TEX14: variants seen among roughly 807,000 people sequenced by gnomAD.
The protein encoded by TEX14 is testis expressed 14, intercellular bridge forming factor, also known as inactive serine/threonine-protein kinase TEX14.
A neutral mutation model predicts 178.6 loss-of-function variants in TEX14; 168 were observed. The observed-to-expected ratio is 0.94, with a 90% CI of 0.83 to 1.07. The LOEUF is 1.07. Among genes scored for constraint, TEX14 ranks in the 50% least tolerant of loss-of-function variants. The pLI is 0.00. For missense variants in TEX14, 1,730 were observed against 1,753.6 expected, an observed-to-expected ratio of 0.99 and a Z score of 0.24; for synonymous variants, 626 against 634.1, an observed-to-expected ratio of 0.99 and a Z score of 0.19.
At chr17:58,591,250 G>C (rs1286090659) in intron 15 of TEX14, among the ~76,000 whole-genome samples, 1 of 152,182 alleles carries the variant, frequency 6.6e-6, no homozygotes, top group Non-Finnish European at 1.5e-5. Context: ...GGGCGCGGTG[G>C]CTCACGCCTG....
At chr17:58,683,265 C>A (rs2047531542) in intron 1 of TEX14, among the ~76,000 whole-genome samples, 1 of 151,204 alleles carries the variant, frequency 6.6e-6, no homozygotes, top group Non-Finnish European at 1.5e-5. Context: ...CCCAGCTACT[C>A]CGGAGGCTGA....
chr17:58,657,590 C>A (rs931149624), intron 1 of TEX14, among the ~76,000 whole-genome samples: 1 of 136,024 alleles, frequency 7.4e-6, no homozygotes, highest in African/African-American at 2.8e-5. Flanking sequence ...TCTCGGCTCA[C>A]TGCAGCCTCT....
Position 58,591,269 on chromosome 17 carries a change from A to G in TEX14, c.2576+2286T>C, listed in dbSNP as rs577646087. Reference sequence around the variant, plus strand: ...GCGGTGGCTCACGCCTGTAATCCCAACACTTTGGGAGGCCAAGGTGGGTGG... The same window carrying G: ...GCGGTGGCTCACGCCTGTAATCCCAGCACTTTGGGAGGCCAAGGTGGGTGG... On this transcript the variant is annotated intron_variant, in intron 15 of 31. Coordinates refer to ENST00000349033, the MANE Select transcript of TEX14 (RefSeq NM_031272.5). Among the ~76,000 whole-genome samples the G allele has an allele frequency of 8.5e-5, 13 of 152,222 alleles. No homozygotes were observed. In the South Asian group the frequency reaches 2.5e-3, roughly 29 times the overall value.
intron 1 of TEX14, chr17:58,679,509 T>C (rs931611825): frequency 1.3e-5 from 2 of 152,134 alleles, no homozygotes; most frequent in Non-Finnish European, 2.9e-5. Flanking sequence ...CGTACGCCTT[T>C]TATAAACAAG....
At chr17:58,567,840 C>T (rs1259307279) in intron 26 of TEX14, 1 of 152,168 alleles carries the variant, frequency 6.6e-6, no homozygotes, top group African/African-American at 2.4e-5. Context: ...CACCATAAGG[C>T]CAGAGCCCAG....
chr17:58,595,016 T>A (rs1424626671), intron 14 of TEX14, among the ~76,000 whole-genome samples: 1 of 152,172 alleles, frequency 6.6e-6, no homozygotes, highest in African/African-American at 2.4e-5. Context: ...GAGGCCTTTG[T>A]ATGGGCAAAC....
At position 58,585,860 on chromosome 17, in the gene TEX14, C is replaced by T. The variant is rs2044953633; in HGVS notation, c.3011G>A (p.Gly1004Asp). The T allele has an allele frequency of 1.2e-6, 2 of 1,614,060 alleles. No individual in the cohort carries two copies. The highest frequency in any genetic ancestry group is 8.5e-7 in the Non-Finnish European group (1 of 1,180,010). The stretch of plus-strand genomic sequence containing the variant: ...CTGGTCACTGTCACAGTCATTGTTG[C>T]CCGTCTTGTCAAACTTGCCATTTCC... ...PRGNGKFDKT[G>D]NNDCDSDQHG... Residue 1004 changes from glycine to aspartate, a missense_variant, in exon 18 of 32, where the codon GGC becomes GAC. By Grantham distance (94) the Gly-to-Asp change is moderately conservative (BLOSUM62 -1). Transcript: ENST00000349033.
rs141801212 is a variant in TEX14 at position 58,613,423 on chromosome 17, G to T, written c.1003C>A (p.Arg335=). The T allele has an allele frequency of 1.1e-5, 17 of 1,613,902 alleles. No homozygotes were observed. Among genetic ancestry groups the T allele is most frequent in the Middle Eastern group, 1.6e-4 (1 of 6,084 alleles). The change falls in exon 9 of 32, where the codon CGA becomes AGA. Residue 335 remains arginine, a splice_region_variant and synonymous_variant. Coordinates refer to ENST00000349033, the MANE Select transcript of TEX14 (RefSeq NM_031272.5). ...IGTLFSVLHE[R]RSQFPVLHME... is the part of the protein sequence containing the mutation. The stretch of plus-strand genomic sequence containing the variant: ...AATCCACGGAAACAGCAGTTTACTC[G>T]TTCATGAAGGACACTGAACAATGTG...
rs576871600 is a variant in TEX14 at position 58,676,452 on chromosome 17, C to T, written c.-2+15487G>A. Among the ~76,000 whole-genome samples the T allele has an allele frequency of 3.0e-3, 460 of 151,898 alleles. 2 individuals are homozygous for T. The highest frequency in any genetic ancestry group is 0.017 in the Middle Eastern group (5 of 292). On this transcript the variant is annotated intron_variant, in intron 1 of 31. Coordinates refer to ENST00000349033, the MANE Select transcript of TEX14 (RefSeq NM_031272.5). ...GCAGGCGTCTGTAATCTCAGCTACT[C>T]GGGAGGCTGAGGCAAGAGAATCACT...
At chr17:58,673,914 A>G (rs1236146744) in intron 1 of TEX14, among the ~76,000 whole-genome samples, 3 of 152,146 alleles carry the variant, frequency 2.0e-5, no homozygotes, top group Non-Finnish European at 4.4e-5. Flanking sequence ...TGGGGTAACT[A>G]TATGTAGTTT....
At chr17:58,587,296 T>C (rs2045001163) in intron 17 of TEX14, among the ~76,000 whole-genome samples, 2 of 152,310 alleles carry the variant, frequency 1.3e-5, no homozygotes, top group South Asian at 2.1e-4. Context: ...TGAGGACTTA[T>C]TGTATTGTGC....
chr17:58,619,461 C>T (rs1171466641), intron 5 of TEX14, among the ~76,000 whole-genome samples: 3 of 152,172 alleles, frequency 2.0e-5, no homozygotes, highest in African/African-American at 7.2e-5. Flanking sequence ...CGGCACCACT[C>T]ACAAATCTTA....
At chr17:58,574,519 T>A (rs1448432641) in intron 21 of TEX14, among the ~76,000 whole-genome samples, 1 of 151,602 alleles carries the variant, frequency 6.6e-6, no homozygotes, top group East Asian at 1.9e-4. Context: ...CTACTAAAAA[T>A]ACAAAAATTA....
intron 1 of TEX14, among the ~76,000 whole-genome samples, chr17:58,660,089 G>A (rs993331781): frequency 2.6e-5 from 4 of 151,060 alleles, no homozygotes; most frequent in South Asian, 4.2e-4. Context: ...CATCATCTAG[G>A]GTACAAATAC....
At chr17:58,661,515 C>G (rs780486847) in intron 1 of TEX14, 4 of 780,034 alleles carry the variant, frequency 5.1e-6, no homozygotes, top group Admixed American at 1.7e-5. Flanking sequence ...GTCGCTCCTT[C>G]GACTTCGTCC....
intron 1 of TEX14, among the ~76,000 whole-genome samples, chr17:58,686,514 C>T (rs998402206): frequency 6.6e-6 from 1 of 151,970 alleles, no homozygotes; most frequent in African/African-American, 2.4e-5. Flanking sequence ...AGGGTCAGGG[C>T]TAGAAATACA....
In TEX14 at chr17:58,579,694, T is replaced by C. The variant is rs778607218; in HGVS notation, c.3209A>G (p.Gln1070Arg). ...SPIEEDFEGI[Q>R]GAFAQPQVSG... ...GACTTGAGGTTGGGCAAATGCACCT[T>C]GTATTCCTTCAAAGTCCTCTTCTAT... The change falls in exon 20 of 32, where the codon CAA becomes CGA. Residue 1070 changes from glutamine (Q) to arginine (R), a missense_variant. Physicochemically the swap from Gln to Arg is conservative, Grantham distance 43. This residue lies in a region of TEX14 where 941 missense variants were observed against 1,072.4 expected (regional missense o/e 0.88). Transcript: ENST00000349033. 7 of 1,614,070 alleles carry C rather than the reference T, an allele frequency of 4.3e-6. No individual in the cohort carries two copies. The highest frequency in any genetic ancestry group is 5.9e-6 in the Non-Finnish European group (7 of 1,179,998).
chr17:58,638,693 G>A (rs938412383), intron 2 of TEX14, among the ~76,000 whole-genome samples: 12 of 149,286 alleles, frequency 8.0e-5, no homozygotes, highest in Admixed American at 1.3e-4. Flanking sequence ...CATATGCCAC[G>A]ACGCCTGCCT....
intron 5 of TEX14, among the ~76,000 whole-genome samples, chr17:58,618,364 G>A (rs1018394591): frequency 2.0e-5 from 3 of 152,196 alleles, no homozygotes; most frequent in Admixed American, 1.3e-4. Flanking sequence ...GCTGGCCTGA[G>A]GTCATAAAAT....
Sources: allele counts gnomAD v4.1 joint callset (sites outside exome capture counted in the v4.1 genomes callset), GRCh38; gene constraint gnomAD v4.1.1; regional missense constraint gnomAD v4.1.1; transcripts MANE v1.5; gene names NCBI Gene and HGNC (gene_info 2026-07-23, HGNC 2026-07-21).